Variants in HPSE2 observed in about 807,000 individuals in gnomAD.
The protein encoded by HPSE2 is inactive heparanase-2.
A neutral mutation model predicts 60.5 loss-of-function variants in HPSE2; 38 were observed. That is an observed-to-expected ratio of 0.63 (90% CI 0.48 to 0.82). The LOEUF is 0.82. Among genes scored for constraint, HPSE2 ranks in the 40% least tolerant of loss-of-function variants. HPSE2 has a pLI of 0.00. For synonymous variants in HPSE2, 295 were observed against 293.2 expected (o/e 1.01, Z -0.06); for missense variants, 713 against 740.4 (o/e 0.96, Z 0.43).
chr10:98,996,930 G>A (rs1023310639), intron 3 of HPSE2, among the ~76,000 whole-genome samples: 2 of 152,110 alleles, frequency 1.3e-5, no homozygotes, highest in African/African-American at 4.8e-5. Context: ...AACGTACTGG[G>A]TGCTGATAGT....
intron 3 of HPSE2, among the ~76,000 whole-genome samples, chr10:99,137,605 C>G (rs1845709181): frequency 6.6e-6 from 1 of 152,208 alleles, no homozygotes; most frequent in Admixed American, 6.5e-5. Flanking sequence ...CTACAACCAT[C>G]TGATCTTTAA....
At chr10:98,506,912 T>C (rs1226706866) in intron 9 of HPSE2, among the ~76,000 whole-genome samples, 1 of 152,208 alleles carries the variant, frequency 6.6e-6, no homozygotes, top group Non-Finnish European at 1.5e-5. Flanking sequence ...AAGCCTTCAT[T>C]TTTTACTCCC....
chr10:98,773,685 T>C (rs1436799293), intron 3 of HPSE2, among the ~76,000 whole-genome samples: 1 of 152,218 alleles, frequency 6.6e-6, no homozygotes, highest in Non-Finnish European at 1.5e-5. Flanking sequence ...CAGCTTTATT[T>C]CACGGCAAAC....
intron 3 of HPSE2, chr10:99,013,864 GT>G: frequency 3.0e-6 from 1 of 335,242 alleles, no homozygotes; most frequent in South Asian, 2.7e-5. Flanking sequence ...AAGGATGGTA[GT>G]TTTCCCTGCA....
intron 9 of HPSE2, among the ~76,000 whole-genome samples, chr10:98,565,909 G>C (rs1244495584): frequency 6.7e-6 from 1 of 149,628 alleles, no homozygotes; most frequent in African/African-American, 2.4e-5. Flanking sequence ...CCAAGAGGTA[G>C]AGAGAGAGAG....
the HPSE2 span, among the ~76,000 whole-genome samples, chr10:99,315,151 T>C: frequency 6.6e-6 from 1 of 152,252 alleles, no homozygotes; most frequent in African/African-American, 2.4e-5. Flanking sequence ...TGTTAATGCA[T>C]TAAGTAAAAG....
intron 9 of HPSE2, among the ~76,000 whole-genome samples, chr10:98,582,293 C>G (rs957546754): frequency 6.6e-6 from 1 of 152,168 alleles, no homozygotes; most frequent in African/African-American, 2.4e-5. Flanking sequence ...TGAAATGGAA[C>G]AATACCTTTA....
chr10:99,221,504 A>G (rs921411969), intron 2 of HPSE2, among the ~76,000 whole-genome samples: 3 of 152,246 alleles, frequency 2.0e-5, no homozygotes, highest in Non-Finnish European at 4.4e-5. Context: ...GAAAATGGCC[A>G]CAAGAGTGAT....
chr10:99,135,854 T>G (rs11189988), intron 3 of HPSE2, among the ~76,000 whole-genome samples: 74,858 of 151,694 alleles, frequency 0.49, 20,928 homozygotes, highest in East Asian at 0.65. Context: ...GCAAACAAAT[T>G]CAAAATTTAA....
chr10:99,248,256 G>T, the HPSE2 span, among the ~76,000 whole-genome samples: 1 of 152,210 alleles, frequency 6.6e-6, no homozygotes, highest in Non-Finnish European at 1.5e-5. Context: ...TGCTGATAGT[G>T]ATATGGACAA....
intron 3 of HPSE2, among the ~76,000 whole-genome samples, chr10:99,050,564 G>A (rs1000755164): frequency 1.2e-4 from 18 of 152,056 alleles, no homozygotes; most frequent in African/African-American, 3.1e-4. Context: ...TGCAATAAAC[G>A]TGGAATTACT....
At chr10:98,694,964 G>T (rs903975565) in intron 5 of HPSE2, among the ~76,000 whole-genome samples, 3 of 152,170 alleles carry the variant, frequency 2.0e-5, no homozygotes, top group Non-Finnish European at 4.4e-5. Flanking sequence ...TTCCTCCAGG[G>T]AGAAGGATGG....
intron 3 of HPSE2, among the ~76,000 whole-genome samples, chr10:99,035,012 T>G (rs1957579058): frequency 6.6e-6 from 1 of 152,208 alleles, no homozygotes; most frequent in African/African-American, 2.4e-5. Flanking sequence ...TGAGTAGATG[T>G]GAAGAGCTAG....
At chr10:99,248,271 G>C in the HPSE2 span, among the ~76,000 whole-genome samples, 3 of 152,214 alleles carry the variant, frequency 2.0e-5, no homozygotes, top group Non-Finnish European at 4.4e-5. Flanking sequence ...GGACAATGAA[G>C]TCCAGGCTGA....
intron 2 of HPSE2, among the ~76,000 whole-genome samples, chr10:99,172,659 C>T (rs1441059401): frequency 6.6e-6 from 1 of 152,138 alleles, no homozygotes; most frequent in Non-Finnish European, 1.5e-5. Flanking sequence ...GGGGGGATCA[C>T]CTGAGGTCAG....
At chr10:98,558,490 G>A (rs918703954) in intron 9 of HPSE2, among the ~76,000 whole-genome samples, 1 of 152,140 alleles carries the variant, frequency 6.6e-6, no homozygotes, top group Non-Finnish European at 1.5e-5. Context: ...ATATAATGTT[G>A]AGCGAAAAAA....
chr10:99,149,694 A>C (rs1846187230), intron 2 of HPSE2, among the ~76,000 whole-genome samples: 1 of 152,158 alleles, frequency 6.6e-6, no homozygotes, highest in Admixed American at 6.5e-5. Context: ...TTATTCTTTT[A>C]GGTCATTTCA....
intron 3 of HPSE2, among the ~76,000 whole-genome samples, chr10:99,116,259 G>C (rs192204069): frequency 1.3e-5 from 2 of 151,634 alleles, no homozygotes; most frequent in East Asian, 3.9e-4. Context: ...CTCACATTGT[G>C]AATCAATATA....
At chr10:98,852,141 G>GTGTGTGTGTA (rs1565210197) in intron 3 of HPSE2, among the ~76,000 whole-genome samples, 1 of 138,506 alleles carries the variant, frequency 7.2e-6, no homozygotes, top group Non-Finnish European at 1.6e-5. Flanking sequence ...GTGTGTGTGT[G>GTGTGTGTGTA]TGTGTGTGTG....
Sources: gnomAD v4.1 joint callset for allele counts (sites outside exome capture counted in the v4.1 genomes callset) on GRCh38, gnomAD v4.1.1 for gene constraint, MANE v1.5 for transcripts, NCBI Gene and HGNC (gene_info 2026-07-23, HGNC 2026-07-21) for gene names.